Variants in SRRM4 observed in about 807,000 individuals in gnomAD.
SRRM4 encodes serine/arginine repetitive matrix 4.
Under a neutral mutation model 68.9 loss-of-function variants are expected in SRRM4, and 33 were observed. That is an observed-to-expected ratio of 0.48 (90% CI 0.36 to 0.64). The LOEUF is 0.64. SRRM4 is among the 30% of genes least tolerant of loss of function. SRRM4 has a pLI of 0.00. For missense variants in SRRM4, 817 were observed against 827.1 expected (o/e 0.99, Z 0.15); for synonymous variants, 318 against 318.8 (o/e 1.00, Z 0.03).
chr12:119,078,815 AGCTACTCTG>A (rs2136030216), intron 1 of SRRM4, among the ~76,000 whole-genome samples: 1 of 152,314 alleles, frequency 6.6e-6, no homozygotes, highest in South Asian at 2.1e-4. Flanking sequence ...CTGTAGTCCC[AGCTACTCTG>A]GAGGCTGAGG....
At chr12:119,057,309 C>T (rs1395358491) in intron 1 of SRRM4, among the ~76,000 whole-genome samples, 4 of 152,156 alleles carry the variant, frequency 2.6e-5, no homozygotes, top group African/African-American at 9.7e-5. Flanking sequence ...AACCCCAGTG[C>T]CCAGCATCCA....
chr12:119,047,599 T>G (rs888370106), intron 1 of SRRM4, among the ~76,000 whole-genome samples: 2 of 152,244 alleles, frequency 1.3e-5, no homozygotes, highest in African/African-American at 4.8e-5. Context: ...TTCTCACTTG[T>G]GCAACTGCAG....
intron 1 of SRRM4, among the ~76,000 whole-genome samples, chr12:119,008,705 T>C (rs911197396): frequency 6.6e-6 from 1 of 152,136 alleles, no homozygotes; most frequent in Non-Finnish European, 1.5e-5. Flanking sequence ...GTTTATCTCC[T>C]GATGGGCACA....
rs186741955 is a variant in SRRM4, at chr12:119,132,255, T to A, written c.771+1421T>A. On this transcript the variant is annotated intron_variant, in intron 8 of 12. Transcript: ENST00000267260. ...GAAAGTATAGAGGCCTAGATTTGAG[T>A]CTTGTTTTGGCTGGACTTGTCATTT... 4 of 152,194 alleles carry A rather than the reference T, an allele frequency of 2.6e-5. No individual in the cohort carries two copies. In the East Asian group the frequency reaches 5.8e-4, roughly 22 times the overall value. The allele number at this position is 152,194 out of a possible 1,614,324, so 9.4% of individuals were successfully genotyped here.
At chr12:119,052,085 A>G (rs1157023225) in intron 1 of SRRM4, among the ~76,000 whole-genome samples, 3 of 152,168 alleles carry the variant, frequency 2.0e-5, no homozygotes, top group African/African-American at 4.8e-5. Context: ...TCGGGAGTCT[A>G]TTTGGATCAG....
intron 1 of SRRM4, among the ~76,000 whole-genome samples, chr12:119,054,651 T>C (rs766822329): frequency 6.6e-6 from 1 of 152,166 alleles, no homozygotes; most frequent in Admixed American, 6.5e-5. Context: ...GATCCAATAA[T>C]AAAGGGGATG....
chr12:118,996,032 A>G (rs1953347615), intron 1 of SRRM4, among the ~76,000 whole-genome samples: 1 of 152,054 alleles, frequency 6.6e-6, no homozygotes, highest in Admixed American at 6.6e-5. Flanking sequence ...CCATCCATCC[A>G]CCTTTGCATC....
intron 3 of SRRM4, 125 bp downstream of exon 3, chr12:119,114,489 G>C: frequency 1.4e-6 from 1 of 703,900 alleles, no homozygotes. Context: ...CTAGCTGTGT[G>C]ACCTTGGGCA....
chr12:118,994,338 G>A (rs762115716), intron 1 of SRRM4, among the ~76,000 whole-genome samples: 1 of 152,100 alleles, frequency 6.6e-6, no homozygotes, highest in Non-Finnish European at 1.5e-5. Context: ...AGAGGCTATG[G>A]TCTAAGTGCT....
Position 119,122,300 on chromosome 12 carries a change from A to AGGAAGGC in SRRM4, c.515+180_515+181insGGAAGGC, listed in dbSNP as rs1565913366. 8.4e-3 allele frequency among the ~76,000 whole-genome samples: 563 copies of AGGAAGGC among 66,728 alleles called. 3 individuals are homozygous for AGGAAGGC. The highest frequency in any genetic ancestry group is 0.022 in the African/African-American group (460 of 20,668). 43.8% of individuals were successfully genotyped at this position (66,728 alleles called of 152,430 possible). On this transcript the variant is annotated intron_variant, in intron 6 of 12. Transcript: ENST00000267260. ...GCAGGAAGGCAGGAAGGCAGGAAGGAAGGAAGGAAGGAAGGAAGGAAGGAA... is the reference window on the plus strand; with the variant it reads ...GCAGGAAGGCAGGAAGGCAGGAAGGAGGAAGGCAGGAAGGAAGGAAGGAAGGAAGGAA...
chr12:119,132,123 T>C (rs2136058647), intron 8 of SRRM4, among the ~76,000 whole-genome samples: 1 of 152,360 alleles, frequency 6.6e-6, no homozygotes, highest in East Asian at 1.9e-4. Context: ...CCCAGACTCC[T>C]TCTTGGTAGA....
intron 1 of SRRM4, among the ~76,000 whole-genome samples, chr12:119,082,908 T>C (rs1167523183): frequency 6.6e-6 from 1 of 152,194 alleles, no homozygotes; most frequent in Non-Finnish European, 1.5e-5. Context: ...TTCTGCCTGA[T>C]CTTTATGCCC....
At chr12:119,039,750 A>G (rs1953653387) in intron 1 of SRRM4, among the ~76,000 whole-genome samples, 1 of 152,346 alleles carries the variant, frequency 6.6e-6, no homozygotes, top group East Asian at 1.9e-4. Context: ...AGGCTGCAGT[A>G]GAAAATGTGA....
intron 8 of SRRM4, among the ~76,000 whole-genome samples, chr12:119,134,187 A>G (rs1231275360): frequency 1.3e-5 from 2 of 152,174 alleles, no homozygotes; most frequent in African/African-American, 4.8e-5. Context: ...GGGCTTATTT[A>G]CATATATGAA....
intron 1 of SRRM4, among the ~76,000 whole-genome samples, chr12:119,010,862 G>T (rs1953444822): frequency 6.6e-6 from 1 of 152,160 alleles, no homozygotes. Flanking sequence ...AAAAAATGCA[G>T]TAAATTCATG....
rs985047019 is a variant in SRRM4, at chr12:119,157,137, T to C, written c.*339T>C. On this transcript the variant is annotated 3_prime_UTR_variant, in exon 13 of 13. Coordinates refer to ENST00000267260, the MANE Select transcript of SRRM4 (RefSeq NM_194286.4). The surrounding 1 kb of genome is among the most constrained non-coding windows in gnomAD (Gnocchi z 4.1). ...AAAAATTGAGCCCTGGCCAGGAAAA[T>C]GTGGAGACAGTTCTTCTCCTCCACT... The C allele has an allele frequency of 7.4e-6, 2 of 270,084 alleles. No homozygotes were observed. The highest frequency in any genetic ancestry group is 4.5e-5 in the African/African-American group (2 of 44,864). 16.7% of individuals were successfully genotyped at this position (270,084 alleles called of 1,614,324 possible).
At chr12:119,069,968 C>G (rs981883670) in intron 1 of SRRM4, among the ~76,000 whole-genome samples, 1 of 152,108 alleles carries the variant, frequency 6.6e-6, no homozygotes, top group Admixed American at 6.5e-5. Flanking sequence ...CAGGTGGAGA[C>G]TAACGTGAGT....
At chr12:119,018,590 C>G (rs923637056) in intron 1 of SRRM4, among the ~76,000 whole-genome samples, 1 of 152,112 alleles carries the variant, frequency 6.6e-6, no homozygotes, top group African/African-American at 2.4e-5. Context: ...GAGTTCAAAA[C>G]TCTACAGCTA....
intron 1 of SRRM4, among the ~76,000 whole-genome samples, chr12:119,014,321 A>G (rs146907330): frequency 1.3e-3 from 204 of 152,276 alleles, no homozygotes; most frequent in African/African-American, 4.6e-3. Context: ...ACAGACAAAA[A>G]AAATTATAGG....
Sources: allele counts gnomAD v4.1 joint callset (sites outside exome capture counted in the v4.1 genomes callset), GRCh38; gene constraint gnomAD v4.1.1; non-coding constraint Gnocchi (gnomAD v3.1); transcripts MANE v1.5; gene names NCBI Gene and HGNC (gene_info 2026-07-23, HGNC 2026-07-21).